LRRC4C: variants seen among roughly 807,000 people sequenced by gnomAD.
The protein encoded by LRRC4C is leucine-rich repeat-containing protein 4C.
A neutral mutation model predicts 33.6 loss-of-function variants in LRRC4C; 5 were observed. The observed-to-expected ratio is 0.15, with a 90% CI of 0.08 to 0.31. The LOEUF (loss-of-function observed/expected upper bound fraction) is 0.31. Among genes scored for constraint, LRRC4C ranks in the 10% least tolerant of loss-of-function variants. The probability of loss-of-function intolerance (pLI) is 1.00; values close to 1 mark genes in which losing one functional copy is unlikely to be tolerated. For synonymous variants in LRRC4C, 329 were observed against 302.0 expected (o/e 1.09, Z -0.93); for missense variants, 560 against 796.7 (o/e 0.70, Z 3.58).
intron 1 of LRRC4C, among the ~76,000 whole-genome samples, chr11:40,962,524 G>C (rs2136886452): frequency 6.6e-6 from 1 of 151,770 alleles, no homozygotes; most frequent in Admixed American, 6.6e-5. Context: ...CTTCAGCTAG[G>C]GCAGGGAACT....
At chr11:40,346,770 G>A (rs992212887) in intron 3 of LRRC4C, among the ~76,000 whole-genome samples, 2 of 152,138 alleles carry the variant, frequency 1.3e-5, no homozygotes, top group Non-Finnish European at 2.9e-5. Flanking sequence ...TTGAGTGACC[G>A]AGTACATTGT....
intron 2 of LRRC4C, among the ~76,000 whole-genome samples, chr11:40,828,410 T>G (rs1285097334): frequency 1.3e-5 from 2 of 151,880 alleles, no homozygotes; most frequent in East Asian, 3.9e-4. Flanking sequence ...TCAAGAATAT[T>G]TCAGTCTTCA....
At chr11:41,061,523 G>A (rs184748248) in intron 1 of LRRC4C, among the ~76,000 whole-genome samples, 16 of 152,220 alleles carry the variant, frequency 1.1e-4, no homozygotes, top group African/African-American at 3.9e-4. Context: ...GTGAGGGGAG[G>A]GAATCAGAGA....
At chr11:40,451,366 C>CT (rs71060962) in intron 3 of LRRC4C, among the ~76,000 whole-genome samples, 1,355 of 47,082 alleles carry the variant, frequency 0.029, 493 homozygotes, top group Middle Eastern at 0.043. Context: ...GAAATAATGA[C>CT]TTTTTTTTTT....
intron 3 of LRRC4C, among the ~76,000 whole-genome samples, chr11:40,360,093 A>G (rs1947878029): frequency 6.6e-6 from 1 of 152,212 alleles, no homozygotes; most frequent in South Asian, 2.1e-4. Flanking sequence ...ATAAAAAGTG[A>G]AGAAACTATA....
At chr11:40,357,367 G>C (rs1160462928) in intron 3 of LRRC4C, among the ~76,000 whole-genome samples, 7 of 152,136 alleles carry the variant, frequency 4.6e-5, no homozygotes, top group African/African-American at 1.7e-4. Context: ...AGATACACAA[G>C]GGTCAATTTT....
intron 2 of LRRC4C, among the ~76,000 whole-genome samples, chr11:40,861,468 A>G (rs1364780717): frequency 2.0e-5 from 3 of 152,176 alleles, no homozygotes; most frequent in Non-Finnish European, 4.4e-5. Context: ...TCCATTACCA[A>G]AAACTTGCAT....
intron 1 of LRRC4C, among the ~76,000 whole-genome samples, chr11:41,225,045 G>T (rs575172804): frequency 3.9e-5 from 6 of 152,188 alleles, no homozygotes; most frequent in African/African-American, 1.2e-4. Flanking sequence ...AACATCACAC[G>T]TTCTCATTTA....
intron 1 of LRRC4C, among the ~76,000 whole-genome samples, chr11:40,973,813 A>G (rs762547061): frequency 6.6e-5 from 10 of 152,016 alleles, no homozygotes; most frequent in Non-Finnish European, 1.3e-4. Flanking sequence ...TGATTTTTAA[A>G]GCCTTTTAAT....
intron 5 of LRRC4C, among the ~76,000 whole-genome samples, chr11:40,217,714 GT>G (rs1234650515): frequency 1.3e-5 from 2 of 152,112 alleles, no homozygotes; most frequent in Admixed American, 6.6e-5. Context: ...TAATATGACT[GT>G]TTTTAAGCCT....
rs141235535 is a variant in LRRC4C at position 40,781,316 on chromosome 11, T to TAC, written c.-406-133040_-406-133039dup. ...ATATGACAGCATATGTGTGTGTACA[T>TAC]ACACACACACACATATATTTATATA... On this transcript the variant is annotated intron_variant, in intron 2 of 6. Transcript: ENST00000528697. Among the ~76,000 whole-genome samples, 751 of 151,998 alleles carry TAC rather than the reference T, an allele frequency of 4.9e-3. 7 individuals are homozygous for TAC. The highest frequency in any genetic ancestry group is 0.017 in the African/African-American group (708 of 41,484).
chr11:40,820,323 A>C (rs1951880076), intron 2 of LRRC4C, among the ~76,000 whole-genome samples: 1 of 152,006 alleles, frequency 6.6e-6, no homozygotes, highest in South Asian at 2.1e-4. Context: ...AAAAGTAATT[A>C]TACATATTTT....
At chr11:40,320,485 G>A (rs1032168790) in intron 3 of LRRC4C, among the ~76,000 whole-genome samples, 3 of 152,080 alleles carry the variant, frequency 2.0e-5, no homozygotes, top group Admixed American at 6.6e-5. Context: ...CAGCCTGGGC[G>A]ACAGAGTGAG....
At chr11:40,225,078 AC>A (rs1468260786) in intron 5 of LRRC4C, among the ~76,000 whole-genome samples, 1 of 152,216 alleles carries the variant, frequency 6.6e-6, no homozygotes, top group African/African-American at 2.4e-5. Flanking sequence ...GGAAATGAAT[AC>A]CTATAAGCTG....
At chr11:40,476,525 T>C (rs1368972920) in intron 3 of LRRC4C, among the ~76,000 whole-genome samples, 1 of 151,792 alleles carries the variant, frequency 6.6e-6, no homozygotes, top group East Asian at 1.9e-4. Flanking sequence ...TTTGTATTTT[T>C]ACTAGAGACA....
chr11:40,804,337 C>T (rs188067107), intron 2 of LRRC4C, among the ~76,000 whole-genome samples: 13 of 152,194 alleles, frequency 8.5e-5, no homozygotes, highest in Non-Finnish European at 1.6e-4. Context: ...GAAATACATC[C>T]GTAGAATAAG....
At chr11:41,113,769 A>T (rs188333996) in intron 1 of LRRC4C, among the ~76,000 whole-genome samples, 76 of 151,420 alleles carry the variant, frequency 5.0e-4, no homozygotes, top group African/African-American at 1.8e-3. Flanking sequence ...TAAGATTTAT[A>T]CCTTATTGTT....
At position 41,351,115 on chromosome 11, in the gene LRRC4C, C is replaced by T. The variant is rs57278188; in HGVS notation, c.-496+108316G>A. ...AAGCACCATGGTGTGTGCCTTTAATCTCAGTTACTCAGCAGGCTGGGGTGG... is the reference window on the plus strand; with the variant it reads ...AAGCACCATGGTGTGTGCCTTTAATTTCAGTTACTCAGCAGGCTGGGGTGG... On this transcript the variant is annotated intron_variant, in intron 1 of 6. Transcript: ENST00000528697. Among the ~76,000 whole-genome samples the T allele has an allele frequency of 3.4e-3, 515 of 152,084 alleles. 2 individuals are homozygous for T. The highest frequency in any genetic ancestry group is 0.011 in the African/African-American group (475 of 41,476).
chr11:40,747,395 C>T lies in LRRC4C; in HGVS notation c.-406-99117G>A, dbSNP rs58425067. On this transcript the variant is annotated intron_variant, in intron 2 of 6. Transcript: ENST00000528697. Reference sequence around the variant, plus strand: ...CCCAACCAAAACCATAGATTAATCTCTAGTAAAAAGCTCTCCCCTATGAAA... The same window carrying T: ...CCCAACCAAAACCATAGATTAATCTTTAGTAAAAAGCTCTCCCCTATGAAA... Among the ~76,000 whole-genome samples, 820 of 152,180 alleles carry T rather than the reference C, an allele frequency of 5.4e-3. 8 individuals carry two copies. The highest frequency in any genetic ancestry group is 0.017 in the African/African-American group (696 of 41,524).
Sources: gnomAD v4.1 joint callset for allele counts (sites outside exome capture counted in the v4.1 genomes callset) on GRCh38, gnomAD v4.1.1 for gene constraint, MANE v1.5 for transcripts, NCBI Gene and HGNC (gene_info 2026-07-23, HGNC 2026-07-21) for gene names.